NAA11: variants seen among roughly 807,000 people sequenced by gnomAD.
NAA11 encodes the protein N-alpha-acetyltransferase 11, NatA catalytic subunit, also known as N-alpha-acetyltransferase 11.
NAA11 carries 15 observed loss-of-function variants against 16.1 expected under a neutral mutation model. The observed-to-expected ratio is 0.93, with a 90% CI of 0.62 to 1.44. The LOEUF is 1.44. NAA11 is among the 40% of genes most tolerant of loss of function. NAA11 has a pLI of 0.00. For synonymous variants in NAA11, 122 were observed against 112.4 expected (o/e 1.09, Z -0.54); for missense variants, 298 against 291.3 (o/e 1.02, Z -0.17).
At chr4:79,300,412 TTCTTCCCTTCATA>T (rs1262780221) in intron 1 of NAA11, among the ~76,000 whole-genome samples, 1 of 152,148 alleles carries the variant, frequency 6.6e-6, no homozygotes, top group East Asian at 1.9e-4. Flanking sequence ...CTTCTATTGC[TTCTTCCCTTCATA>T]TCTTACCTGC....
chr4:79,193,497 T>G, the NAA11 span, among the ~76,000 whole-genome samples: 61 of 152,270 alleles, frequency 4.0e-4, no homozygotes, highest in South Asian at 6.0e-3. Context: ...TTTCCCCATT[T>G]CTTGTTTTTG....
the NAA11 span, among the ~76,000 whole-genome samples, chr4:79,164,191 G>T: frequency 1.3e-5 from 2 of 152,082 alleles, no homozygotes; most frequent in East Asian, 1.9e-4. Context: ...GAAACAGTCT[G>T]CCCACTGCAG....
chr4:79,182,674 C>T, the NAA11 span, among the ~76,000 whole-genome samples: 146 of 152,234 alleles, frequency 9.6e-4, no homozygotes, highest in African/African-American at 3.2e-3. Flanking sequence ...GAGCGCTTCA[C>T]TCATCATTCT....
intron 1 of NAA11, among the ~76,000 whole-genome samples, chr4:79,297,349 C>A (rs980183961): frequency 6.6e-6 from 1 of 152,190 alleles, no homozygotes; most frequent in Non-Finnish European, 1.5e-5. Context: ...CAGAGAGGGC[C>A]TCAGCGAGGA....
At chr4:79,159,237 G>A in the NAA11 span, among the ~76,000 whole-genome samples, 1 of 151,950 alleles carries the variant, frequency 6.6e-6, no homozygotes, top group Admixed American at 6.6e-5. Flanking sequence ...AAATTAGCAA[G>A]GAAAAAAGCA....
the NAA11 span, among the ~76,000 whole-genome samples, chr4:79,159,067 A>G: frequency 6.6e-6 from 1 of 152,214 alleles, no homozygotes; most frequent in South Asian, 2.1e-4. Context: ...CAAATGCAAG[A>G]AAAGCAAAGA....
chr4:79,301,148 T>C (rs1293564823), intron 1 of NAA11, among the ~76,000 whole-genome samples: 1 of 152,224 alleles, frequency 6.6e-6, no homozygotes, highest in African/African-American at 2.4e-5. Flanking sequence ...TTAGTTCACA[T>C]GGAATAATCT....
chr4:79,322,351 TTGTA>T (rs1247004427), intron 1 of NAA11, among the ~76,000 whole-genome samples: 1 of 152,222 alleles, frequency 6.6e-6, no homozygotes, highest in Non-Finnish European at 1.5e-5. Flanking sequence ...ATTCTTGAAT[TTGTA>T]TGCTGAAATT....
At chr4:79,194,624 T>C in the NAA11 span, among the ~76,000 whole-genome samples, 1 of 152,070 alleles carries the variant, frequency 6.6e-6, no homozygotes, top group East Asian at 1.9e-4. Flanking sequence ...CTGGCACATG[T>C]ATCAACTAAG....
intron 2 of NAA11, among the ~76,000 whole-genome samples, chr4:79,276,401 C>A (rs187252046): frequency 6.6e-6 from 1 of 152,162 alleles, no homozygotes; most frequent in East Asian, 1.9e-4. Flanking sequence ...TAAGTCTTAC[C>A]AAGCTCTCTC....
chr4:79,322,661 T>A (rs1305721594), intron 1 of NAA11, among the ~76,000 whole-genome samples: 2 of 152,124 alleles, frequency 1.3e-5, no homozygotes, highest in Non-Finnish European at 2.9e-5. Context: ...TTTTAAAAGG[T>A]TTGTGCATTC....
At chr4:79,229,561 C>G (rs184114879) in intron 2 of NAA11, among the ~76,000 whole-genome samples, 241 of 151,968 alleles carry the variant, frequency 1.6e-3, no homozygotes, top group African/African-American at 5.4e-3. Flanking sequence ...AGTATTAGAC[C>G]TACACTCACT....
chr4:79,285,670 C>T (rs1487270280), intron 2 of NAA11, among the ~76,000 whole-genome samples: 4 of 151,894 alleles, frequency 2.6e-5, no homozygotes, highest in African/African-American at 9.7e-5. Flanking sequence ...TGATCACTCT[C>T]CTTTCATTAA....
At chr4:79,312,265 C>G (rs1486012067), downstream of NAA11, among the ~76,000 whole-genome samples, 1 of 152,226 alleles carries the variant, frequency 6.6e-6, no homozygotes, top group Non-Finnish European at 1.5e-5. Flanking sequence ...AGACTTAACA[C>G]TCTCGTTAGA....
chr4:79,218,873 GTCT>G, the NAA11 span, among the ~76,000 whole-genome samples: 1 of 151,970 alleles, frequency 6.6e-6, no homozygotes, highest in Non-Finnish European at 1.5e-5. Context: ...CATATCAATG[GTCT>G]TCTTTTAATT....
At chr4:79,194,905 TGGA>T in the NAA11 span, among the ~76,000 whole-genome samples, 2 of 152,088 alleles carry the variant, frequency 1.3e-5, no homozygotes, top group African/African-American at 4.8e-5. Flanking sequence ...ACACAAATAC[TGGA>T]GGTAGGTTTG....
At chr4:79,229,626 T>A (rs550566352) in intron 2 of NAA11, among the ~76,000 whole-genome samples, 29 of 152,068 alleles carry the variant, frequency 1.9e-4, no homozygotes, top group African/African-American at 6.7e-4. Flanking sequence ...CAGTGATCCA[T>A]TGGTCTGTAT....
At chr4:79,158,122 T>G in the NAA11 span, among the ~76,000 whole-genome samples, 2 of 151,848 alleles carry the variant, frequency 1.3e-5, no homozygotes, top group Non-Finnish European at 2.9e-5. Context: ...AGGATGGTCT[T>G]GATCTCCTGA....
the NAA11 span, among the ~76,000 whole-genome samples, chr4:79,185,538 T>C: frequency 1.3e-5 from 2 of 152,192 alleles, no homozygotes; most frequent in Admixed American, 1.3e-4. Flanking sequence ...CCTATAACTC[T>C]TTGGGGAAAG....
Sources: allele counts gnomAD v4.1 joint callset (sites outside exome capture counted in the v4.1 genomes callset), GRCh38; gene constraint gnomAD v4.1.1; transcripts MANE v1.5; gene names NCBI Gene and HGNC (gene_info 2026-07-23, HGNC 2026-07-21).